The following PIK3R1 variants were observed in gnomAD, a reference collection of about 807,000 sequenced individuals.
The protein encoded by PIK3R1 is phosphoinositide-3-kinase regulatory subunit 1, also known as phosphatidylinositol 3-kinase regulatory subunit alpha.
PIK3R1 carries 29 observed loss-of-function variants against 98.0 expected under a neutral mutation model. That is an observed-to-expected ratio of 0.30 (90% CI 0.22 to 0.40). The LOEUF (loss-of-function observed/expected upper bound fraction) is 0.40, where lower values mean the gene tolerates loss of function less well. PIK3R1 is among the 10% of genes least tolerant of loss of function. The probability of loss-of-function intolerance (pLI) is 1.00; values close to 1 mark genes in which losing one functional copy is unlikely to be tolerated. For missense variants in PIK3R1, 596 were observed against 872.7 expected, an observed-to-expected ratio of 0.68 and a Z score of 3.99; for synonymous variants, 282 against 311.8, an observed-to-expected ratio of 0.90 and a Z score of 1.01.
chr5:68,251,808 A>T (rs903572927), intron 2 of PIK3R1, among the ~76,000 whole-genome samples: 3 of 152,160 alleles, frequency 2.0e-5, no homozygotes, highest in African/African-American at 7.2e-5. Context: ...CTGCATTATG[A>T]GAGGGAAAGG....
chr5:68,224,354 G>A (rs1281858960), intron 1 of PIK3R1, among the ~76,000 whole-genome samples: 2 of 152,140 alleles, frequency 1.3e-5, no homozygotes, highest in African/African-American at 4.8e-5. Flanking sequence ...TTTCTGATAT[G>A]CTCTATTGGT....
In PIK3R1 at chr5:68,273,261, A is replaced by C. The variant is rs1334220444; in HGVS notation, c.335-129A>C. On this transcript the variant is annotated intron_variant, in intron 2 of 15. Transcript: ENST00000521381. ...CATATCACTTTGGCCTGGAAAGTGC[A>C]AAAGCCCAGAGCAGGGGTTCTTCTT... The C allele has an allele frequency of 4.7e-6, 4 of 843,134 alleles. No homozygotes were observed. The Admixed American group carries it at 7.2e-5, about 15-fold the overall frequency. 52.2% of individuals were successfully genotyped at this position (843,134 alleles called of 1,614,324 possible).
At chr5:68,224,444 T>C (rs1229838897) in intron 1 of PIK3R1, among the ~76,000 whole-genome samples, 1 of 152,322 alleles carries the variant, frequency 6.6e-6, no homozygotes, top group East Asian at 1.9e-4. Context: ...CACAAAGACT[T>C]CCAGTGTTTG....
intron 2 of PIK3R1, 63 bp from the exon 3 acceptor site, chr5:68,273,327 A>G (rs1746438563): frequency 3.7e-6 from 5 of 1,361,464 alleles, no homozygotes; most frequent in African/African-American, 1.4e-5. Flanking sequence ...TACGTCCTTC[A>G]TTGTGGTCTA....
intron 1 of PIK3R1, chr5:68,217,637 T>TGG (rs1743944806): frequency 1.8e-4 from 25 of 140,384 alleles, no homozygotes; most frequent in African/African-American, 6.8e-4. Flanking sequence ...GGGGTGTGTG[T>TGG]GTGTGTGTGT....
intron 1 of PIK3R1, among the ~76,000 whole-genome samples, chr5:68,216,763 A>AAACCACAGCTCCAACACTAGTGAGCTCT (rs1743899354): frequency 6.6e-6 from 1 of 151,414 alleles, no homozygotes; most frequent in East Asian, 1.9e-4. Context: ...AATTCTCTGG[A>AAACCACAGCTCCAACACTAGTGAGCTCT]AACCACAGCT....
chr5:68,234,867 T>C (rs1744608358), intron 2 of PIK3R1, among the ~76,000 whole-genome samples: 1 of 152,180 alleles, frequency 6.6e-6, no homozygotes, highest in Non-Finnish European at 1.5e-5. Context: ...GTTGTCACTG[T>C]CATCTTCCAA....
intron 1 of PIK3R1, among the ~76,000 whole-genome samples, chr5:68,218,190 G>A (rs1743970580): frequency 6.6e-6 from 1 of 152,164 alleles, no homozygotes; most frequent in South Asian, 2.1e-4. Context: ...ATAAGTTATA[G>A]GAATACATAT....
At position 68,279,685 on chromosome 5, in the gene PIK3R1, C is replaced by T. The variant is rs1418066079; in HGVS notation, c.586C>T (p.Pro196Ser). 13 of 1,614,050 alleles carry T rather than the reference C, an allele frequency of 8.1e-6. No homozygotes were observed. The highest frequency in any genetic ancestry group is 1.0e-5 in the Non-Finnish European group (12 of 1,180,010). ...ACGCTATCTCCTGGACTTACCAAATCCTGTCATTCCAGCAGCCGTTTACAG... is the reference window on the plus strand; with the variant it reads ...ACGCTATCTCCTGGACTTACCAAATTCTGTCATTCCAGCAGCCGTTTACAG... The part of the protein sequence containing the change: ...FKRYLLDLPN[P>S]VIPAAVYSEM... The change falls in exon 5 of 16, where the codon CCT becomes TCT. Residue 196 changes from proline (P) to serine (S), a missense_variant. Around this residue, in one of 3 missense-constraint regions of PIK3R1, gnomAD observed 352 missense variants for 393.3 expected, o/e 0.90. Coordinates refer to ENST00000521381, the MANE Select transcript of PIK3R1 (RefSeq NM_181523.3).
In PIK3R1 at chr5:68,292,513, A is replaced by C. The variant is rs558204115; in HGVS notation, c.1019+152A>C. The C allele has an allele frequency of 1.5e-5, 22 of 1,508,322 alleles. No homozygotes were observed. In the East Asian group the frequency reaches 2.0e-4, roughly 13 times the overall value. 93.4% of individuals were successfully genotyped at this position (1,508,322 alleles called of 1,614,324 possible). Reference sequence around the variant, plus strand: ...AGACGACCAGAAAAAGTCACTGAGCACTGGAGAACTGTGGGTGCTGGATGC... The same window carrying C: ...AGACGACCAGAAAAAGTCACTGAGCCCTGGAGAACTGTGGGTGCTGGATGC... On this transcript the variant is annotated intron_variant, in intron 8 of 15. Transcript: ENST00000521381.
At position 68,301,368 on chromosome 5, in the gene PIK3R1, G is replaced by A. The variant is rs1103100; in HGVS notation, c.*3767G>A. On this transcript the variant is annotated 3_prime_UTR_variant, in exon 16 of 16. Coordinates refer to ENST00000521381, the MANE Select transcript of PIK3R1 (RefSeq NM_181523.3). ...TATATATATATATATATATATATATGTGTGTGTGTGTGTGTGTGTGTGTGT... is the reference window on the plus strand; with the variant it reads ...TATATATATATATATATATATATATATGTGTGTGTGTGTGTGTGTGTGTGT... The A allele has an allele frequency of 0.18, 7,065 of 39,214 alleles. 346 individuals carry two copies. The highest frequency in any genetic ancestry group is 0.26 in the East Asian group (228 of 892). The allele number at this position is 39,214 out of a possible 1,614,324, so 2.4% of individuals were successfully genotyped here.
intron 2 of PIK3R1, among the ~76,000 whole-genome samples, chr5:68,228,507 A>G (rs936446119): frequency 5.3e-5 from 8 of 152,352 alleles, no homozygotes; most frequent in African/African-American, 1.7e-4. Flanking sequence ...TCAAAAAACC[A>G]TGACTCTCCG....
chr5:68,280,944 A>G lies in PIK3R1; in HGVS notation c.854A>G (p.Asn285Ser), dbSNP rs2112196978. 6.3e-7 allele frequency: 1 copy of G among 1,598,432 alleles called. No individual in the cohort carries two copies. Among genetic ancestry groups the G allele is most frequent in the South Asian group, 1.1e-5 (1 of 88,776 alleles). Residue 285 changes from asparagine (N) to serine (S), a missense_variant, in exon 7 of 16, where the codon AAC becomes AGC. Asn to Ser is a conservative substitution (Grantham distance 46, BLOSUM62 1). This residue lies in a region of PIK3R1 where 352 missense variants were observed against 393.3 expected (regional missense o/e 0.90). Transcript: ENST00000521381. ...FSAASSDNTE[N>S]LIKVIEILIS... ...TCTTACAGCTCTGATAATACTGAAAACCTCATAAAAGTTATAGAAATTTTA... is the reference window on the plus strand; with the variant it reads ...TCTTACAGCTCTGATAATACTGAAAGCCTCATAAAAGTTATAGAAATTTTA...
At chr5:68,258,805 G>A (rs1745625622) in intron 2 of PIK3R1, among the ~76,000 whole-genome samples, 2 of 152,152 alleles carry the variant, frequency 1.3e-5, no homozygotes, top group African/African-American at 4.8e-5. Context: ...ACAAACGCCA[G>A]GATGCCAAGT....
rs1380184306 is a variant in PIK3R1 at position 68,301,113 on chromosome 5, CTG to C, written c.*3513_*3514del. On this transcript the variant is annotated 3_prime_UTR_variant, in exon 16 of 16. Transcript: ENST00000521381. ...ATCCAAGTTAGTTGAAACGCAGACA[CTG>C]AGATCTGTTTGAGTTTAGGGTCATT... 4.4e-6 allele frequency: 1 copy of C among 229,040 alleles called. No individual in the cohort carries two copies. The highest frequency in any genetic ancestry group is 8.7e-6 in the Non-Finnish European group (1 of 115,444). The allele number at this position is 229,040 out of a possible 1,614,324, so 14.2% of individuals were successfully genotyped here.
At position 68,293,131 on chromosome 5, in the gene PIK3R1, A is replaced by G. The variant is rs768046753; in HGVS notation, c.1050A>G (p.Thr350=). 2.1e-5 allele frequency: 34 copies of G among 1,613,780 alleles called. No homozygotes were observed. The Admixed American group carries it at 5.7e-4, about 27-fold the overall frequency. The change falls in exon 9 of 16, where the codon ACA becomes ACG. Residue 350 remains threonine, a synonymous_variant. Transcript: ENST00000521381. ...AAGTGAATGAAAAACTTCGAGATACAGCAGACGGGACCTTTTTGGTACGAG... is the reference window on the plus strand; with the variant it reads ...AAGTGAATGAAAAACTTCGAGATACGGCAGACGGGACCTTTTTGGTACGAG... ...REEVNEKLRD[T]ADGTFLVRDA...
At chr5:68,243,673 C>A (rs1744953036) in intron 2 of PIK3R1, among the ~76,000 whole-genome samples, 1 of 152,224 alleles carries the variant, frequency 6.6e-6, no homozygotes, top group Non-Finnish European at 1.5e-5. Context: ...CCTGAAGGAG[C>A]TACTGTACCA....
intron 2 of PIK3R1, among the ~76,000 whole-genome samples, chr5:68,241,692 T>C (rs879648689): frequency 1.2e-4 from 18 of 152,366 alleles, no homozygotes; most frequent in Admixed American, 1.2e-3. Context: ...GGTAAAGAGC[T>C]GGTCTTTGCA....
intron 7 of PIK3R1, chr5:68,288,617 C>A: frequency 6.4e-7 from 1 of 1,573,886 alleles, no homozygotes; most frequent in South Asian, 1.2e-5. Flanking sequence ...ACGAGCACTG[C>A]CTGCCGGGAA....
Sources: allele counts gnomAD v4.1 joint callset (sites outside exome capture counted in the v4.1 genomes callset), GRCh38; gene constraint gnomAD v4.1.1; regional missense constraint gnomAD v4.1.1; transcripts MANE v1.5; gene names NCBI Gene and HGNC (gene_info 2026-07-23, HGNC 2026-07-21).